Variants in PRKCA observed in about 807,000 individuals in gnomAD.
PRKCA encodes the protein protein kinase C alpha, also known as protein kinase C alpha type.
A neutral mutation model predicts 87.0 loss-of-function variants in PRKCA; 27 were observed. The ratio of observed to expected loss-of-function variants is 0.31; its 90% CI spans 0.23 to 0.43. The LOEUF (loss-of-function observed/expected upper bound fraction) is 0.43, where lower values mean the gene tolerates loss of function less well. Among genes scored for constraint, PRKCA ranks in the 20% least tolerant of loss-of-function variants. PRKCA has a pLI of 1.00. For synonymous variants in PRKCA, 329 were observed against 311.1 expected, an observed-to-expected ratio of 1.06 and a Z score of -0.61; for missense variants, 518 against 852.3, an observed-to-expected ratio of 0.61 and a Z score of 4.88.
At chr17:66,368,769 G>A (rs1301230333) in intron 2 of PRKCA, among the ~76,000 whole-genome samples, 1 of 152,026 alleles carries the variant, frequency 6.6e-6, no homozygotes, top group Non-Finnish European at 1.5e-5. Flanking sequence ...GATAGATGTG[G>A]ACACAATTTC....
intron 3 of PRKCA, among the ~76,000 whole-genome samples, chr17:66,533,084 C>T (rs949078592): frequency 1.1e-4 from 16 of 152,170 alleles, no homozygotes; most frequent in African/African-American, 3.4e-4. Context: ...AGACTTCAAA[C>T]GGTAGAGCTC....
intron 2 of PRKCA, among the ~76,000 whole-genome samples, chr17:66,444,597 A>G (rs1332464657): frequency 1.3e-5 from 2 of 152,064 alleles, no homozygotes; most frequent in Non-Finnish European, 2.9e-5. Flanking sequence ...ACTGCATGTT[A>G]TCAGGTTTGC....
chr17:66,422,283 C>G lies in PRKCA; in HGVS notation c.206-73918C>G, dbSNP rs1912540369. The stretch of plus-strand genomic sequence containing the variant: ...AATTTTTGGGGGGTGAGGTTCAGCT[C>G]ATAACACCCACTTCACTTTTTCGTA... On this transcript the variant is annotated intron_variant, in intron 2 of 16. Coordinates refer to ENST00000413366, the MANE Select transcript of PRKCA (RefSeq NM_002737.3). Among the ~76,000 whole-genome samples the G allele has an allele frequency of 2.6e-5, 4 of 152,100 alleles. No individual in the cohort carries two copies. In the South Asian group the frequency reaches 8.3e-4, roughly 32 times the overall value.
chr17:66,600,935 G>A (rs550722944), intron 3 of PRKCA, among the ~76,000 whole-genome samples: 2 of 83,496 alleles, frequency 2.4e-5, no homozygotes, highest in African/African-American at 5.7e-5. Context: ...TGGCTTGTAG[G>A]GTTTCTGCCG....
chr17:66,714,755 C>T (rs1393313076), intron 8 of PRKCA, among the ~76,000 whole-genome samples: 1 of 152,148 alleles, frequency 6.6e-6, no homozygotes, highest in African/African-American at 2.4e-5. Context: ...GTGTGCAGTG[C>T]CTTTACTGGT....
At chr17:66,321,801 C>T (rs1008724022) in intron 2 of PRKCA, among the ~76,000 whole-genome samples, 3 of 152,144 alleles carry the variant, frequency 2.0e-5, no homozygotes, top group African/African-American at 4.8e-5. Flanking sequence ...GCCTCAGCCT[C>T]CCAAAGTGCT....
chr17:66,575,154 G>A (rs915078000), intron 3 of PRKCA, among the ~76,000 whole-genome samples: 2 of 152,194 alleles, frequency 1.3e-5, no homozygotes, highest in African/African-American at 2.4e-5. Flanking sequence ...CGATGGCTAC[G>A]AAGAGACTAA....
chr17:66,738,977 G>T, intron 11 of PRKCA, 122 bp downstream of exon 11: 1 of 734,910 alleles, frequency 1.4e-6, no homozygotes, highest in Non-Finnish European at 2.3e-6. Flanking sequence ...TTGCCTCCCA[G>T]GCTCGGGTGA....
At chr17:66,517,924 A>G (rs1242505751) in intron 3 of PRKCA, among the ~76,000 whole-genome samples, 1 of 152,192 alleles carries the variant, frequency 6.6e-6, no homozygotes, top group Admixed American at 6.5e-5. Flanking sequence ...TAGGATATTT[A>G]GGATGGTTGT....
At position 66,596,571 on chromosome 17, in the gene PRKCA, C is replaced by T. The variant is rs1379476939; in HGVS notation, c.289-44784C>T. 6.1e-5 allele frequency among the ~76,000 whole-genome samples: 7 copies of T among 113,860 alleles called. 1 individual carries two copies. Among genetic ancestry groups the T allele is most frequent in the African/African-American group, 1.8e-4 (5 of 27,174 alleles). 74.7% of individuals were successfully genotyped at this position (113,860 alleles called of 152,430 possible). On this transcript the variant is annotated intron_variant, in intron 3 of 16. Transcript: ENST00000413366. ...GTAGGAAATTGAAAAAATATTAAAC[C>T]TTTTTTTTTTTTTTTTTTTTTATTA...
At chr17:66,393,311 C>G (rs1175360295) in intron 2 of PRKCA, among the ~76,000 whole-genome samples, 1 of 152,124 alleles carries the variant, frequency 6.6e-6, no homozygotes. Context: ...TCGAGCAGCC[C>G]CAGCTTCTGA....
intron 2 of PRKCA, among the ~76,000 whole-genome samples, chr17:66,482,113 A>G (rs972457540): frequency 2.1e-5 from 3 of 145,964 alleles, no homozygotes; most frequent in East Asian, 1.9e-4. Context: ...AAAAAAAAAA[A>G]AAAAGAAAAA....
intron 16 of PRKCA, among the ~76,000 whole-genome samples, chr17:66,799,070 G>GTGGTGA (rs1975793751): frequency 1.2e-3 from 9 of 7,402 alleles, no homozygotes; most frequent in Non-Finnish European, 1.5e-3. Flanking sequence ...GGTGGTGGTG[G>GTGGTGA]TGGTGGTGGT....
chr17:66,803,505 G>T lies in PRKCA; in HGVS notation c.1855-368G>T, dbSNP rs117478678. ...GCCTGCAGCCCCAGCCGACATCCTG[G>T]CCTTTCAACACGGAGCTGTGACTGA... On this transcript the variant is annotated intron_variant, in intron 16 of 16. Coordinates refer to ENST00000413366, the MANE Select transcript of PRKCA (RefSeq NM_002737.3). This position sits in a 1 kb window ranked among gnomAD's most constrained non-coding sequence, Gnocchi z 4.4. Among the ~76,000 whole-genome samples, 1 of 152,210 alleles carries T rather than the reference G, an allele frequency of 6.6e-6. No individual in the cohort carries two copies. The highest frequency in any genetic ancestry group is 1.5e-5 in the Non-Finnish European group (1 of 68,042).
rs149921179 is a variant in PRKCA, at chr17:66,471,619, T to A, written c.206-24582T>A. ...TTCAAACAGGTGAGTCTGACTAATT[T>A]GGAAAATTGAATGGACTGTTTTCTA... On this transcript the variant is annotated intron_variant, in intron 2 of 16. Coordinates refer to ENST00000413366, the MANE Select transcript of PRKCA (RefSeq NM_002737.3). Among the ~76,000 whole-genome samples the A allele has an allele frequency of 5.3e-3, 804 of 151,910 alleles. 6 individuals carry two copies. The highest frequency in any genetic ancestry group is 0.018 in the African/African-American group (754 of 41,340).
intron 2 of PRKCA, among the ~76,000 whole-genome samples, chr17:66,321,064 T>C (rs1205354665): frequency 6.6e-6 from 1 of 152,198 alleles, no homozygotes; most frequent in African/African-American, 2.4e-5. Flanking sequence ...GAAATAAAGA[T>C]ACAGAAAATA....
rs759335653 is a variant in PRKCA, at chr17:66,302,841, TG to T, written c.-4del. ...CTCCCCGGCGGAGGCAAGAGGTGGT[TG>T]GGGGGGACCATGGCTGACGTTTTCC... On this transcript the variant is annotated 5_prime_UTR_variant, in exon 1 of 17. Coordinates refer to ENST00000413366, the MANE Select transcript of PRKCA (RefSeq NM_002737.3). 2.2e-5 allele frequency: 35 copies of T among 1,576,372 alleles called. No individual in the cohort carries two copies. The highest frequency in any genetic ancestry group is 3.4e-5 in the South Asian group (3 of 87,792).
At chr17:66,596,259 T>C (rs1002617047) in intron 3 of PRKCA, among the ~76,000 whole-genome samples, 3 of 152,210 alleles carry the variant, frequency 2.0e-5, no homozygotes, top group Admixed American at 2.0e-4. Context: ...CTGTTTATTG[T>C]GGTTCCTTGG....
chr17:66,450,222 G>A (rs766723645), intron 2 of PRKCA, among the ~76,000 whole-genome samples: 8 of 152,038 alleles, frequency 5.3e-5, no homozygotes, highest in Non-Finnish European at 1.0e-4. Flanking sequence ...GATGCTCATC[G>A]GGGGCCAGCA....
Sources: allele counts gnomAD v4.1 joint callset (sites outside exome capture counted in the v4.1 genomes callset), GRCh38; gene constraint gnomAD v4.1.1; non-coding constraint Gnocchi (gnomAD v3.1); transcripts MANE v1.5; gene names NCBI Gene and HGNC (gene_info 2026-07-23, HGNC 2026-07-21).